TNNC2: variants seen among roughly 807,000 people sequenced by gnomAD.
TNNC2 encodes troponin C2, fast skeletal type.
In TNNC2, 14 loss-of-function variants were observed where a neutral mutation model predicts 20.0. The observed-to-expected ratio is 0.70, with a 90% CI of 0.46 to 1.09. TNNC2 has a LOEUF of 1.09. Among genes scored for constraint, TNNC2 ranks in the 50% least tolerant of loss-of-function variants. The pLI is 0.00. For synonymous variants in TNNC2, 81 were observed against 77.3 expected (o/e 1.05, Z -0.25); for missense variants, 163 against 223.8 (o/e 0.73, Z 1.73).
At chr20:45,833,304 A>G (rs991533269) in exon 2 of TNNC2, 1 of 152,290 alleles carries the variant, frequency 6.6e-6, no homozygotes, top group African/African-American at 2.4e-5. Context: ...TGAGGTTCAA[A>G]TCAGATTGTG....
In TNNC2 at chr20:45,824,657, G is replaced by T; in HGVS notation, c.56-19C>A. ...TTGAACTCTGCGAGGGAGGGCAGAGGGCAGAGGTGAGGCCTGCTGGACTGT... is the reference window on the plus strand; with the variant it reads ...TTGAACTCTGCGAGGGAGGGCAGAGTGCAGAGGTGAGGCCTGCTGGACTGT... On this transcript the variant is annotated intron_variant, in intron 2 of 5. Coordinates refer to ENST00000372555, the MANE Select transcript of TNNC2 (RefSeq NM_003279.3). 2 of 1,607,680 alleles carry T rather than the reference G, an allele frequency of 1.2e-6. No individual in the cohort carries two copies. The highest frequency in any genetic ancestry group is 1.7e-6 in the Non-Finnish European group (2 of 1,179,212).
chr20:45,827,283 C>G lies in TNNC2; in HGVS notation c.-35G>C. The G allele has an allele frequency of 1.2e-6, 2 of 1,614,026 alleles. No homozygotes were observed. Among genetic ancestry groups the G allele is most frequent in the Admixed American group, 1.7e-5 (1 of 60,006 alleles). On this transcript the variant is annotated 5_prime_UTR_variant, in exon 1 of 6. Transcript: ENST00000372555. ...TGACCGGGACTCCTCTGTTGCAGGT[C>G]GCCTCCTTTGCACTCCACCACCCAA...
At chr20:45,825,755 G>C (rs2145727604) in intron 1 of TNNC2, among the ~76,000 whole-genome samples, 1 of 152,196 alleles carries the variant, frequency 6.6e-6, no homozygotes, top group East Asian at 1.9e-4. Flanking sequence ...CGAGTAGCTG[G>C]GATTACAGGC....
upstream of TNNC2, among the ~76,000 whole-genome samples, chr20:45,830,509 C>G (rs987555835): frequency 6.6e-6 from 1 of 152,106 alleles, no homozygotes; most frequent in Non-Finnish European, 1.5e-5. Context: ...ATCCTTCCCC[C>G]ACTGTGTCCA....
rs529231520 is a variant in TNNC2 at position 45,824,280 on chromosome 20, C to G, written c.314+12G>C. On this transcript the variant is annotated intron_variant, in intron 4 of 5. Transcript: ENST00000372555. Reference sequence around the variant, plus strand: ...CTAAGCCCCTCCCTCGGCTCCCGGGCCCCCAGCGCACCTGTCGAAGATGCG... The same window carrying G: ...CTAAGCCCCTCCCTCGGCTCCCGGGGCCCCAGCGCACCTGTCGAAGATGCG... 5.0e-6 allele frequency: 8 copies of G among 1,608,466 alleles called. No homozygotes were observed. In the South Asian group the frequency reaches 7.7e-5, roughly 15 times the overall value.
chr20:45,824,111 T>C lies in TNNC2; in HGVS notation c.331A>G (p.Ile111Val), dbSNP rs770676074. 1.9e-6 allele frequency: 3 copies of C among 1,613,844 alleles called. No homozygotes were observed. Among genetic ancestry groups the C allele is most frequent in the South Asian group, 2.2e-5 (2 of 91,084 alleles). The stretch of plus-strand genomic sequence containing the variant: ...ATCTCAGCCAGCTCCTCCGGGTCGA[T>C]GTAGCCGTCTGCATTCCTTCAGGTC... ...RIFDRNADGYIDPEELAEIFR... is the reference protein window; with the variant it reads ...RIFDRNADGYVDPEELAEIFR... The change falls in exon 5 of 6, where the codon ATC becomes GTC. Residue 111 changes from isoleucine to valine, a missense_variant. Ile to Val is a conservative substitution (Grantham distance 29). Coordinates refer to ENST00000372555, the MANE Select transcript of TNNC2 (RefSeq NM_003279.3).
In TNNC2 at chr20:45,823,448, C is replaced by T; in HGVS notation, c.452-69G>A. ...CGCAGAGGCCAGGCCAGGGCTCCAG[C>T]CACACAGAGGGGATGACTTTTTGTT... On this transcript the variant is annotated intron_variant, in intron 5 of 5. Transcript: ENST00000372555. The surrounding 1 kb of genome is among the most constrained non-coding windows in gnomAD (Gnocchi z 4.6). The T allele has an allele frequency of 6.8e-7, 1 of 1,467,132 alleles. No individual in the cohort carries two copies. 90.9% of individuals were successfully genotyped at this position (1,467,132 alleles called of 1,614,324 possible). A position where few individuals can be genotyped will look rare whatever the true frequency, so the allele number is the denominator to read the frequency against.
At chr20:45,827,692 C>G (rs1482429560), upstream of TNNC2, among the ~76,000 whole-genome samples, 1 of 152,188 alleles carries the variant, frequency 6.6e-6, no homozygotes, top group East Asian at 1.9e-4. Flanking sequence ...AGGCCAGCCT[C>G]TGCGAGTTGT....
intron 1 of TNNC2, 124 bp downstream of exon 1, chr20:45,827,122 C>G: frequency 7.7e-7 from 1 of 1,302,666 alleles, no homozygotes; most frequent in Non-Finnish European, 1.1e-6. Flanking sequence ...ACCTGGGTTC[C>G]AGGAACCTCC....
chr20:45,827,193 G>T, intron 1 of TNNC2, 53 bp downstream of exon 1: 1 of 1,612,838 alleles, frequency 6.2e-7, no homozygotes, highest in Non-Finnish European at 8.5e-7. Flanking sequence ...TGGCCTGAAA[G>T]GGGTCCAGAG....
chr20:45,828,288 T>C (rs59610048), upstream of TNNC2, among the ~76,000 whole-genome samples: 594 of 151,186 alleles, frequency 3.9e-3, 5 homozygotes, highest in African/African-American at 0.013. Context: ...TCCTTCCACC[T>C]TGGTTTCCCA....
intron 1 of TNNC2, among the ~76,000 whole-genome samples, chr20:45,826,000 C>T (rs528930286): frequency 4.7e-5 from 7 of 149,518 alleles, no homozygotes; most frequent in South Asian, 2.1e-4. Flanking sequence ...AAGGCCAAGT[C>T]GGGAACCCCC....
rs777781785 is a variant in TNNC2 at position 45,824,651 on chromosome 20, G to T, written c.56-13C>A. 1 of 1,607,302 alleles carries T rather than the reference G, an allele frequency of 6.2e-7. No homozygotes were observed. Among genetic ancestry groups the T allele is most frequent in the South Asian group, 1.1e-5 (1 of 90,958 alleles). ...GCAGCCTTGAACTCTGCGAGGGAGG[G>T]CAGAGGGCAGAGGTGAGGCCTGCTG... On this transcript the variant is annotated splice_polypyrimidine_tract_variant and intron_variant, in intron 2 of 5. Transcript: ENST00000372555.
At position 45,823,493 on chromosome 20, in the gene TNNC2, A is replaced by T; in HGVS notation, c.452-114T>A. 3 of 1,070,220 alleles carry T rather than the reference A, an allele frequency of 2.8e-6. No individual in the cohort carries two copies. The highest frequency in any genetic ancestry group is 4.0e-6 in the Non-Finnish European group (3 of 749,158). The allele number at this position is 1,070,220 out of a possible 1,614,324, so 66.3% of individuals were successfully genotyped here. A position where few individuals can be genotyped will look rare whatever the true frequency, so the allele number is the denominator to read the frequency against. On this transcript the variant is annotated intron_variant, in intron 5 of 5. Transcript: ENST00000372555. This position sits in a 1 kb window ranked among gnomAD's most constrained non-coding sequence, Gnocchi z 4.6. ...TTTGTTTTTGTTTTTGTTGAGACAG[A>T]GTCTCACTCTGTTGCCAAGGTCGCC...
rs8860 is a variant in TNNC2, at chr20:45,823,262, T to C, written c.*86A>G. ...CTTCCAGACAAAGACCCACAAGGGG[T>C]CGCGCCTCCCTGGTGGGGACCCGGC... is the stretch of plus-strand genomic sequence containing the variant. On this transcript the variant is annotated 3_prime_UTR_variant, in exon 6 of 6. Coordinates refer to ENST00000372555, the MANE Select transcript of TNNC2 (RefSeq NM_003279.3). This position sits in a 1 kb window ranked among gnomAD's most constrained non-coding sequence, Gnocchi z 4.6. 0.64 allele frequency: 831,000 copies of C among 1,306,528 alleles called. 265,001 individuals carry two copies. Among genetic ancestry groups the C allele is most frequent in the African/African-American group, 0.68 (45,031 of 66,072 alleles). The allele number at this position is 1,306,528 out of a possible 1,614,324, so 80.9% of individuals were successfully genotyped here.
At chr20:45,825,343 G>A (rs1467914445) in intron 1 of TNNC2, among the ~76,000 whole-genome samples, 1 of 152,072 alleles carries the variant, frequency 6.6e-6, no homozygotes, top group African/African-American at 2.4e-5. Flanking sequence ...CCAGGCTGGA[G>A]TGCAATGGCG....
chr20:45,833,019 C>G (rs1983164973), intron 2 of TNNC2, among the ~76,000 whole-genome samples: 1 of 152,170 alleles, frequency 6.6e-6, no homozygotes, highest in Non-Finnish European at 1.5e-5. Flanking sequence ...GCGAACGCCT[C>G]TATTCCTAGC....
chr20:45,829,233 C>T (rs1283391966), upstream of TNNC2, among the ~76,000 whole-genome samples: 1 of 147,090 alleles, frequency 6.8e-6, no homozygotes, highest in African/African-American at 2.5e-5. Flanking sequence ...GGTGCAATCT[C>T]GGCTCACCAC....
chr20:45,829,274 C>T (rs1440345738), upstream of TNNC2, among the ~76,000 whole-genome samples: 1 of 150,946 alleles, frequency 6.6e-6, no homozygotes, highest in Non-Finnish European at 1.5e-5. Flanking sequence ...AAGCAATTCT[C>T]CTGCCTCAGC....
Sources: gnomAD v4.1 joint callset for allele counts (sites outside exome capture counted in the v4.1 genomes callset) on GRCh38, gnomAD v4.1.1 for gene constraint, Gnocchi (gnomAD v3.1) non-coding constraint, MANE v1.5 for transcripts, NCBI Gene and HGNC (gene_info 2026-07-23, HGNC 2026-07-21) for gene names.